The following EFHD1 variants were observed in gnomAD, a reference collection of about 807,000 sequenced individuals.
The protein encoded by EFHD1 is EF-hand domain family member D1.
Under a neutral mutation model 17.2 loss-of-function variants are expected in EFHD1, and 10 were observed. The ratio of observed to expected loss-of-function variants is 0.58; its 90% CI spans 0.36 to 0.99. The LOEUF is 0.99. Among genes scored for constraint, EFHD1 ranks in the 50% least tolerant of loss-of-function variants. EFHD1 has a pLI of 0.01. For missense variants in EFHD1, 310 were observed against 327.5 expected (o/e 0.95, Z 0.41); for synonymous variants, 153 against 142.0 (o/e 1.08, Z -0.55).
intron 3 of EFHD1, among the ~76,000 whole-genome samples, chr2:232,672,687 CAA>C (rs1259212719): frequency 6.6e-6 from 1 of 152,148 alleles, no homozygotes; most frequent in Non-Finnish European, 1.5e-5. Context: ...GGAGGGGTGA[CAA>C]TAGAATTGCC....
chr2:232,642,366 T>A, intron 1 of EFHD1, among the ~76,000 whole-genome samples: 1 of 109,296 alleles, frequency 9.1e-6, no homozygotes. Flanking sequence ...AGAGTGAGAC[T>A]CTGTCTCAAA....
In EFHD1 at chr2:232,623,013, A is replaced by G. The variant is rs10460437; in HGVS notation, c.14+16840A>G. Among the ~76,000 whole-genome samples, 1,073 of 152,176 alleles carry G rather than the reference A, an allele frequency of 7.1e-3. 36 individuals are homozygous for G. Among genetic ancestry groups the G allele is most frequent in the Admixed American group, 0.059 (905 of 15,288 alleles). ...TTTCTTCCTTTACTTTTAAAAGCAT[A>G]TGGCCACTAGAAAACTTTTCTTCTT... On this transcript the variant is annotated intron_variant, in intron 1 of 3. Transcript: ENST00000409613.
intron 1 of EFHD1, among the ~76,000 whole-genome samples, chr2:232,616,305 A>T (rs577172994): frequency 1.0e-4 from 15 of 147,856 alleles, no homozygotes; most frequent in South Asian, 2.1e-4. Flanking sequence ...CACTTTATTT[A>T]TTTTTTTTTT....
chr2:232,675,499 G>A (rs888861762), intron 3 of EFHD1, among the ~76,000 whole-genome samples: 9 of 152,284 alleles, frequency 5.9e-5, no homozygotes, highest in South Asian at 2.1e-4. Flanking sequence ...CCTGCACACC[G>A]GCTTCCCAGG....
chr2:232,618,839 T>C (rs1371654772), intron 1 of EFHD1, among the ~76,000 whole-genome samples: 4 of 152,070 alleles, frequency 2.6e-5, no homozygotes, highest in East Asian at 1.9e-4. Flanking sequence ...TATATAATTA[T>C]TTTGGTATGA....
chr2:232,625,240 C>T (rs1694086690), intron 1 of EFHD1, among the ~76,000 whole-genome samples: 1 of 152,104 alleles, frequency 6.6e-6, no homozygotes, highest in Non-Finnish European at 1.5e-5. Context: ...GCAATCCTCC[C>T]ACCTCAGCCT....
chr2:232,665,409 G>A (rs1694950948), intron 2 of EFHD1, among the ~76,000 whole-genome samples: 1 of 151,878 alleles, frequency 6.6e-6, no homozygotes, highest in South Asian at 2.1e-4. Flanking sequence ...GTGTCATTTG[G>A]CACCTGTATT....
chr2:232,654,253 T>A (rs1007441001), intron 1 of EFHD1, among the ~76,000 whole-genome samples: 4 of 151,438 alleles, frequency 2.6e-5, no homozygotes, highest in Non-Finnish European at 2.9e-5. Context: ...TCCTTCAATA[T>A]TTCCTAAGCT....
At chr2:232,631,262 TTCTCTCTC>T (rs372033136), upstream of EFHD1, among the ~76,000 whole-genome samples, 3 of 148,994 alleles carry the variant, frequency 2.0e-5, no homozygotes, top group Middle Eastern at 3.4e-3. Context: ...CATGCAAAGT[TTCTCTCTC>T]TCTCTCTCTC....
intron 1 of EFHD1, among the ~76,000 whole-genome samples, chr2:232,617,939 A>G (rs184600934): frequency 0.011 from 1,065 of 101,156 alleles, 36 homozygotes; most frequent in Admixed American, 0.093. Context: ...GCAGAACAAG[A>G]CTCAGTCTAA....
intron 2 of EFHD1, among the ~76,000 whole-genome samples, chr2:232,666,434 T>TTCTGGGGAGAGAGCTGTGGTGAGC (rs1422501192): frequency 2.0e-5 from 3 of 152,210 alleles, no homozygotes; most frequent in African/African-American, 7.2e-5. Context: ...TTGGAGTAGA[T>TTCTGGGGAGAGAGCTGTGGTGAGC]TCTGGGGAGA....
At chr2:232,669,964 G>C (rs1056721594) in intron 2 of EFHD1, among the ~76,000 whole-genome samples, 1 of 152,132 alleles carries the variant, frequency 6.6e-6, no homozygotes, top group Non-Finnish European at 1.5e-5. Context: ...TTTCCTGTGG[G>C]TGCATACATT....
chr2:232,674,589 G>T (rs1695137940), intron 3 of EFHD1, among the ~76,000 whole-genome samples: 1 of 152,134 alleles, frequency 6.6e-6, no homozygotes, highest in South Asian at 2.1e-4. Flanking sequence ...AATTCTTACA[G>T]CTCGTTATGT....
chr2:232,641,229 A>G (rs1694425928), intron 1 of EFHD1, among the ~76,000 whole-genome samples: 1 of 151,666 alleles, frequency 6.6e-6, no homozygotes, highest in Admixed American at 6.6e-5. Flanking sequence ...TTTTGTAGAG[A>G]CGGGGTTTTG....
chr2:232,619,042 C>G (rs932389515), intron 1 of EFHD1, among the ~76,000 whole-genome samples: 4 of 151,468 alleles, frequency 2.6e-5, no homozygotes, highest in African/African-American at 9.7e-5. Flanking sequence ...CCAGCTACTC[C>G]GGAGGCCGAG....
At chr2:232,638,808 A>T (rs981947318) in intron 1 of EFHD1, among the ~76,000 whole-genome samples, 1 of 152,246 alleles carries the variant, frequency 6.6e-6, no homozygotes. Context: ...CTATAGCTTC[A>T]GTCAACAGTG....
At chr2:232,613,763 CACAT>C (rs1208883772) in intron 1 of EFHD1, among the ~76,000 whole-genome samples, 23 of 151,234 alleles carry the variant, frequency 1.5e-4, no homozygotes, top group African/African-American at 4.6e-4. Context: ...AATACGCACA[CACAT>C]ACACACACAA....
At position 232,664,606 on chromosome 2, in the gene EFHD1, G is replaced by GTTTT. The variant is rs57219644; in HGVS notation, c.450+1679_450+1682dup. 5.6e-4 allele frequency among the ~76,000 whole-genome samples: 35 copies of GTTTT among 62,664 alleles called. 1 individual carries two copies. The highest frequency in any genetic ancestry group is 7.4e-4 in the Admixed American group (3 of 4,062). 41.1% of individuals were successfully genotyped at this position (62,664 alleles called of 152,430 possible). A position where few individuals can be genotyped will look rare whatever the true frequency, so the allele number is the denominator to read the frequency against. On this transcript the variant is annotated intron_variant, in intron 2 of 3. Coordinates refer to ENST00000264059, the MANE Select transcript of EFHD1 (RefSeq NM_025202.4). ...AGCCACTGTGGCCATCCCCAAAATA[G>GTTTT]TTTTTTTTTTTTTTTTTTTTTTTTT... is the stretch of plus-strand genomic sequence containing the variant.
chr2:232,655,941 G>C (rs934237235), intron 1 of EFHD1, among the ~76,000 whole-genome samples: 3 of 151,996 alleles, frequency 2.0e-5, no homozygotes, highest in Non-Finnish European at 4.4e-5. Flanking sequence ...CGAGTAGCTG[G>C]GACTACAGGC....
Sources: allele counts gnomAD v4.1 joint callset (sites outside exome capture counted in the v4.1 genomes callset), GRCh38; gene constraint gnomAD v4.1.1; transcripts MANE v1.5; gene names NCBI Gene and HGNC (gene_info 2026-07-23, HGNC 2026-07-21).